The following PREX1 variants were observed in gnomAD, a reference collection of about 807,000 sequenced individuals.
PREX1 encodes the protein phosphatidylinositol-3,4,5-trisphosphate dependent Rac exchange factor 1.
In PREX1, 41 loss-of-function variants were observed where a neutral mutation model predicts 198.3. The observed-to-expected ratio is 0.21, with a 90% CI of 0.16 to 0.27. The LOEUF (loss-of-function observed/expected upper bound fraction) is 0.27. Ranked by LOEUF, PREX1 falls within the 10% of genes least tolerant of loss-of-function variation. PREX1 has a pLI of 1.00. For synonymous variants in PREX1, 843 were observed against 887.2 expected (o/e 0.95, Z 0.89); for missense variants, 1,620 against 2,200.7 (o/e 0.74, Z 5.28).
intron 10 of PREX1, among the ~76,000 whole-genome samples, chr20:48,688,384 T>G (rs1430731912): frequency 6.6e-6 from 1 of 152,194 alleles, no homozygotes. Context: ...CAGTAAGCTC[T>G]GTGAAACCTC....
intron 28 of PREX1, 53 bp downstream of exon 28, chr20:48,642,354 A>T: frequency 6.2e-7 from 1 of 1,603,190 alleles, no homozygotes; most frequent in Admixed American, 1.7e-5. Context: ...GGCCCTCCCC[A>T]GGTGTGACAG....
At chr20:48,811,537 C>G (rs940289899) in intron 1 of PREX1, among the ~76,000 whole-genome samples, 1 of 151,238 alleles carries the variant, frequency 6.6e-6, no homozygotes, top group Admixed American at 6.6e-5. Context: ...CACACACACA[C>G]ACACGTGTGC....
chr20:48,731,116 G>A (rs1380802452), intron 4 of PREX1, among the ~76,000 whole-genome samples: 1 of 151,848 alleles, frequency 6.6e-6, no homozygotes, highest in East Asian at 1.9e-4. Context: ...TCCTCTTATG[G>A]CCTTCACTCT....
chr20:48,802,325 T>C (rs2090390966), intron 1 of PREX1, among the ~76,000 whole-genome samples: 1 of 152,100 alleles, frequency 6.6e-6, no homozygotes, highest in Non-Finnish European at 1.5e-5. Context: ...CCCCACATGG[T>C]GCTCAGATCT....
chr20:48,707,564 G>A (rs1224317706), intron 6 of PREX1, among the ~76,000 whole-genome samples: 4 of 152,186 alleles, frequency 2.6e-5, no homozygotes, highest in Non-Finnish European at 2.9e-5. Context: ...AACAATCTCT[G>A]CCCAAGAGAC....
chr20:48,650,759 T>C, intron 23 of PREX1, 135 bp downstream of exon 23: 1 of 1,165,862 alleles, frequency 8.6e-7, no homozygotes, highest in South Asian at 1.5e-5. Context: ...TCCTTTTCAG[T>C]AATACACACC....
intron 20 of PREX1, 50 bp from the exon 21 acceptor site, chr20:48,652,756 G>A (rs774732760): frequency 6.3e-7 from 1 of 1,581,374 alleles, no homozygotes; most frequent in Admixed American, 1.7e-5. Context: ...CAGGTAGGGA[G>A]GAGGGGACAG....
intron 14 of PREX1, among the ~76,000 whole-genome samples, chr20:48,672,210 G>C (rs2089680203): frequency 6.6e-6 from 1 of 152,220 alleles, no homozygotes; most frequent in Non-Finnish European, 1.5e-5. Flanking sequence ...CTCTTTCATA[G>C]CATCCCAGCT....
chr20:48,769,144 T>C (rs2090222810), intron 1 of PREX1, among the ~76,000 whole-genome samples: 1 of 152,134 alleles, frequency 6.6e-6, no homozygotes, highest in African/African-American at 2.4e-5. Flanking sequence ...TTGAGGCCCG[T>C]TGCCAAAGAG....
the PREX1 span, among the ~76,000 whole-genome samples, chr20:48,836,940 C>T: frequency 2.7e-5 from 4 of 150,486 alleles, no homozygotes; most frequent in Non-Finnish European, 4.4e-5. Flanking sequence ...CCTCGCTCTG[C>T]CAGCTCTCTG....
chr20:48,885,052 C>T, the PREX1 span, among the ~76,000 whole-genome samples: 40 of 152,352 alleles, frequency 2.6e-4, no homozygotes, highest in African/African-American at 9.6e-4. Flanking sequence ...CCTCTCTCTG[C>T]TTTTGTTATC....
At chr20:48,632,874 C>T (rs2089326698) in intron 33 of PREX1, among the ~76,000 whole-genome samples, 1 of 152,208 alleles carries the variant, frequency 6.6e-6, no homozygotes, top group Admixed American at 6.5e-5. Flanking sequence ...CTGCAGCTGA[C>T]ACCTCCCTTT....
At chr20:48,707,095 G>A (rs932258967) in intron 6 of PREX1, among the ~76,000 whole-genome samples, 1 of 152,218 alleles carries the variant, frequency 6.6e-6, no homozygotes, top group Non-Finnish European at 1.5e-5. Context: ...CCATGCATCT[G>A]ACGCACAGGA....
the PREX1 span, among the ~76,000 whole-genome samples, chr20:48,852,209 C>T: frequency 6.6e-6 from 1 of 152,092 alleles, no homozygotes; most frequent in Non-Finnish European, 1.5e-5. Flanking sequence ...AATGGTTCTA[C>T]AGTCAAAGGT....
At chr20:48,805,738 G>A (rs1400006065) in intron 1 of PREX1, among the ~76,000 whole-genome samples, 1 of 152,168 alleles carries the variant, frequency 6.6e-6, no homozygotes, top group Non-Finnish European at 1.5e-5. Context: ...AGAGACACCA[G>A]GGATGGGGCA....
At chr20:48,797,789 CT>C (rs1171573075) in intron 1 of PREX1, among the ~76,000 whole-genome samples, 1 of 152,244 alleles carries the variant, frequency 6.6e-6, no homozygotes, top group Non-Finnish European at 1.5e-5. Context: ...GGCACATCCA[CT>C]TTGCACCCCG....
the PREX1 span, among the ~76,000 whole-genome samples, chr20:48,867,167 G>T: frequency 1.3e-5 from 2 of 152,214 alleles, no homozygotes; most frequent in African/African-American, 4.8e-5. Context: ...TCTCTCTTTG[G>T]AGACAGGAAC....
the PREX1 span, among the ~76,000 whole-genome samples, chr20:48,882,258 T>C: frequency 6.6e-6 from 1 of 152,018 alleles, no homozygotes; most frequent in Non-Finnish European, 1.5e-5. Context: ...ATCCCAGCAC[T>C]TTGGGAGGCG....
At chr20:48,663,470 T>A (rs1601057414) in intron 15 of PREX1, among the ~76,000 whole-genome samples, 1 of 151,760 alleles carries the variant, frequency 6.6e-6, no homozygotes, top group African/African-American at 2.4e-5. Context: ...GAGGTTGTGG[T>A]GAGCCGAGAT....
Sources: allele counts gnomAD v4.1 joint callset (sites outside exome capture counted in the v4.1 genomes callset), GRCh38; gene constraint gnomAD v4.1.1; transcripts MANE v1.5; gene names NCBI Gene and HGNC (gene_info 2026-07-23, HGNC 2026-07-21).